Variants in TFDP2 observed in about 807,000 individuals in gnomAD.
The protein encoded by TFDP2 is transcription factor Dp-2 (E2F dimerization partner 2).
A neutral mutation model predicts 59.3 loss-of-function variants in TFDP2; 17 were observed. The ratio of observed to expected loss-of-function variants is 0.29; its 90% confidence interval spans 0.20 to 0.43. The LOEUF is 0.43. TFDP2 is among the 20% of genes least tolerant of loss of function. The pLI is 1.00. For missense variants in TFDP2, 391 were observed against 528.8 expected (o/e 0.74, Z 2.56); for synonymous variants, 180 against 194.7 (o/e 0.92, Z 0.63).
intron 9 of TFDP2, 47 bp downstream of exon 9, chr3:141,970,026 C>T (rs1051021684): frequency 1.2e-5 from 19 of 1,555,562 alleles, no homozygotes; most frequent in Non-Finnish European, 1.6e-5. Flanking sequence ...CAAAAGGCAG[C>T]AAGTGGAGAA....
At chr3:142,030,618 T>TCAGATCA (rs1483778837) in intron 3 of TFDP2, among the ~76,000 whole-genome samples, 1 of 152,158 alleles carries the variant, frequency 6.6e-6, no homozygotes, top group Admixed American at 6.6e-5. Context: ...CAGCTAGAAG[T>TCAGATCA]GCTCACCTGT....
rs2063306379 is a variant in TFDP2, at chr3:142,149,434, C to T, written c.-344G>A. 2.6e-6 allele frequency: 1 copy of T among 381,942 alleles called. No individual in the cohort carries two copies. The highest frequency in any genetic ancestry group is 2.1e-5 in the African/African-American group (1 of 47,880). The allele number at this position is 381,942 out of a possible 1,614,324, so 23.7% of individuals were successfully genotyped here. A position where few individuals can be genotyped will look rare whatever the true frequency, so the allele number is the denominator to read the frequency against. ...AGGGCGCGCCCCGCGGGCCGGGCAG[C>T]TGCGGCAGCGCCGCAGCCGAGATCG... On this transcript the variant is annotated 5_prime_UTR_variant, in exon 1 of 13. Transcript: ENST00000489671.
In TFDP2 at chr3:141,959,845, A is replaced by C; in HGVS notation, c.885-5T>G. Reference sequence around the variant, plus strand: ...AAATTGAAAAGATACTCAAACCTGCATCAGGAAACAAAGTAAAGGGTTTTT... The same window carrying C: ...AAATTGAAAAGATACTCAAACCTGCCTCAGGAAACAAAGTAAAGGGTTTTT... On this transcript the variant is annotated splice_polypyrimidine_tract_variant and splice_region_variant and intron_variant, in intron 10 of 12. Coordinates refer to ENST00000489671, the MANE Select transcript of TFDP2 (RefSeq NM_001178139.2). 6.2e-7 allele frequency: 1 copy of C among 1,613,752 alleles called. No individual in the cohort carries two copies. The highest frequency in any genetic ancestry group is 1.1e-5 in the South Asian group (1 of 91,014).
chr3:142,021,688 A>G (rs1945622776), intron 3 of TFDP2, among the ~76,000 whole-genome samples: 1 of 152,150 alleles, frequency 6.6e-6, no homozygotes, highest in African/African-American at 2.4e-5. Context: ...AAGGAGAAAA[A>G]CATTTTTTCT....
chr3:142,080,512 G>A (rs1239407177), intron 3 of TFDP2, among the ~76,000 whole-genome samples: 4 of 152,052 alleles, frequency 2.6e-5, no homozygotes, highest in Admixed American at 6.5e-5. Flanking sequence ...CAATAACATC[G>A]AATGAAAACG....
intron 9 of TFDP2, among the ~76,000 whole-genome samples, chr3:141,965,688 G>A (rs1054872025): frequency 6.6e-6 from 1 of 151,704 alleles, no homozygotes; most frequent in Non-Finnish European, 1.5e-5. Flanking sequence ...TCCCCAAAAG[G>A]GGAAGATTTA....
chr3:142,088,977 G>A (rs1402131890), intron 3 of TFDP2, among the ~76,000 whole-genome samples: 3 of 151,784 alleles, frequency 2.0e-5, no homozygotes, highest in Admixed American at 6.6e-5. Flanking sequence ...ACAGGTGCCC[G>A]CCACCATGCC....
intron 8 of TFDP2, among the ~76,000 whole-genome samples, chr3:141,973,128 T>A (rs1229678692): frequency 1.4e-4 from 20 of 140,706 alleles, no homozygotes; most frequent in African/African-American, 5.0e-4. Flanking sequence ...TATATATTTT[T>A]TTTTTTTAAA....
At chr3:142,086,475 C>G (rs2060814754) in intron 3 of TFDP2, among the ~76,000 whole-genome samples, 1 of 152,138 alleles carries the variant, frequency 6.6e-6, no homozygotes, top group Admixed American at 6.5e-5. Context: ...GAGTGGCTCA[C>G]AGAACTCTAG....
intron 3 of TFDP2, among the ~76,000 whole-genome samples, chr3:142,089,993 CT>C (rs1341318739): frequency 6.6e-6 from 1 of 152,008 alleles, no homozygotes; most frequent in Non-Finnish European, 1.5e-5. Flanking sequence ...AAGAAAAATA[CT>C]TTTCTACATC....
intron 3 of TFDP2, among the ~76,000 whole-genome samples, chr3:142,071,483 T>C (rs1234749953): frequency 2.0e-5 from 3 of 152,200 alleles, no homozygotes; most frequent in African/African-American, 7.2e-5. Context: ...AATTGTAGTT[T>C]GGACTTTATC....
intron 4 of TFDP2, among the ~76,000 whole-genome samples, chr3:141,995,918 G>A (rs1460392357): frequency 6.9e-6 from 1 of 144,274 alleles, no homozygotes; most frequent in Non-Finnish European, 1.5e-5. Context: ...GAGTATTCAT[G>A]TTATTAAATA....
chr3:142,132,220 A>G (rs1255225785), intron 1 of TFDP2, among the ~76,000 whole-genome samples: 2 of 150,098 alleles, frequency 1.3e-5, no homozygotes. Flanking sequence ...GCCACATACT[A>G]TATGATTCCA....
chr3:141,969,088 TAAC>T, intron 9 of TFDP2, among the ~76,000 whole-genome samples: 1 of 59,406 alleles, frequency 1.7e-5, no homozygotes, highest in Admixed American at 2.2e-4. Context: ...TATATATATA[TAAC>T]ATATATATAT....
At chr3:141,974,027 T>C (rs538393070) in intron 8 of TFDP2, 21 bp downstream of exon 8, 4 of 1,605,032 alleles carry the variant, frequency 2.5e-6, no homozygotes, top group Admixed American at 3.5e-5. Context: ...CAGCTATTCA[T>C]AAACAGATTT....
At chr3:142,140,366 A>G (rs1425067765) in intron 1 of TFDP2, among the ~76,000 whole-genome samples, 2 of 152,114 alleles carry the variant, frequency 1.3e-5, no homozygotes, top group African/African-American at 4.8e-5. Context: ...GCTTCTGTCA[A>G]CTCATCAAAG....
intron 1 of TFDP2, among the ~76,000 whole-genome samples, chr3:142,124,471 T>C (rs903715153): frequency 4.6e-5 from 7 of 152,162 alleles, no homozygotes; most frequent in African/African-American, 1.7e-4. Flanking sequence ...TATGAATGCA[T>C]TGGGTGAATT....
intron 8 of TFDP2, among the ~76,000 whole-genome samples, chr3:141,971,479 G>A (rs1018432902): frequency 6.6e-6 from 1 of 151,954 alleles, no homozygotes; most frequent in African/African-American, 2.4e-5. Context: ...AACCCGGGAG[G>A]CGGAGGTTGC....
chr3:141,969,072 A>G lies in TFDP2; in HGVS notation c.732+1001T>C, dbSNP rs1377066708. On this transcript the variant is annotated intron_variant, in intron 9 of 12. Transcript: ENST00000489671. ...TATATAACATATATATCTCATATAT[A>G]TGAGATATATATATATAACATATAT... is the stretch of plus-strand genomic sequence containing the variant. Among the ~76,000 whole-genome samples, 93 of 81,444 alleles carry G rather than the reference A, an allele frequency of 1.1e-3. 11 individuals carry two copies. The highest frequency in any genetic ancestry group is 1.7e-3 in the Non-Finnish European group (77 of 46,164). 53.4% of individuals were successfully genotyped at this position (81,444 alleles called of 152,430 possible). A position where few individuals can be genotyped will look rare whatever the true frequency, so the allele number is the denominator to read the frequency against.
Sources: gnomAD v4.1 joint callset for allele counts (sites outside exome capture counted in the v4.1 genomes callset) on GRCh38, gnomAD v4.1.1 for gene constraint, MANE v1.5 for transcripts, NCBI Gene and HGNC (gene_info 2026-07-23, HGNC 2026-07-21) for gene names.